Variants in VAT1L observed in about 807,000 individuals in gnomAD.
VAT1L encodes vesicle amine transport 1 like, also known as putative NADPH-dependent quinone oxidoreductase VAT1L.
VAT1L carries 34 observed loss-of-function variants against 44.1 expected under a neutral mutation model. The observed-to-expected ratio is 0.77, with a 90% CI of 0.59 to 1.03. VAT1L has a LOEUF of 1.03. Ranked by LOEUF, VAT1L falls within the 50% of genes least tolerant of loss-of-function variation. The pLI, the probability that VAT1L is intolerant of heterozygous loss-of-function variation, is 0.00. For missense variants in VAT1L, 615 were observed against 538.8 expected, an observed-to-expected ratio of 1.14 and a Z score of -1.40; for synonymous variants, 253 against 202.2, an observed-to-expected ratio of 1.25 and a Z score of -2.13.
intron 1 of VAT1L, among the ~76,000 whole-genome samples, chr16:77,806,250 C>G (rs1421199648): frequency 6.6e-6 from 1 of 152,042 alleles, no homozygotes; most frequent in Admixed American, 6.6e-5. Flanking sequence ...CGCTCTGTCA[C>G]CCAGGCTGGA....
In VAT1L at chr16:77,979,699, G is replaced by C. The variant is rs551574922; in HGVS notation, c.*2004G>C. On this transcript the variant is annotated 3_prime_UTR_variant, in exon 9 of 9. Transcript: ENST00000302536. ...CCCCCACCACCCCTACCAAATCTGGGTTTGGTTTGGTTTTATTTAACTAGC... is the reference window on the plus strand; with the variant it reads ...CCCCCACCACCCCTACCAAATCTGGCTTTGGTTTGGTTTTATTTAACTAGC... 1 of 152,396 alleles carries C rather than the reference G, an allele frequency of 6.6e-6. No individual in the cohort carries two copies. The highest frequency in any genetic ancestry group is 2.4e-5 in the African/African-American group (1 of 41,422). 9.4% of individuals were successfully genotyped at this position (152,396 alleles called of 1,614,324 possible). A position where few individuals can be genotyped will look rare whatever the true frequency, so the allele number is the denominator to read the frequency against.
At position 77,879,674 on chromosome 16, in the gene VAT1L, C is replaced by G. The variant is rs1193632755; in HGVS notation, c.882+450C>G. ...ATAAAACCTGCACTCCTGCCCTATT[C>G]CCTGCAAATGGTCAGGACCAGAATT... is the stretch of plus-strand genomic sequence containing the variant. On this transcript the variant is annotated intron_variant, in intron 6 of 8. Transcript: ENST00000302536. This position sits in a 1 kb window ranked among gnomAD's most constrained non-coding sequence, Gnocchi z 4.1. Among the ~76,000 whole-genome samples the G allele has an allele frequency of 6.6e-6, 1 of 152,180 alleles. No individual in the cohort carries two copies. Among genetic ancestry groups the G allele is most frequent in the African/African-American group, 2.4e-5 (1 of 41,448 alleles).
Position 77,978,774 on chromosome 16 carries a change from G to A in VAT1L, c.*1079G>A, listed in dbSNP as rs3751771. 28,690 of 151,926 alleles carry A rather than the reference G, an allele frequency of 0.19. 2,965 individuals are homozygous for A. The highest frequency in any genetic ancestry group is 0.26 in the Admixed American group (3,955 of 15,268). 9.4% of individuals were successfully genotyped at this position (151,926 alleles called of 1,614,324 possible). A position where few individuals can be genotyped will look rare whatever the true frequency, so the allele number is the denominator to read the frequency against. Reference sequence around the variant, plus strand: ...TAAACCCCGGTGTAGAATCTGCAGCGCCCTGCTCTTCGGAAACCAAGGAAC... The same window carrying A: ...TAAACCCCGGTGTAGAATCTGCAGCACCCTGCTCTTCGGAAACCAAGGAAC... On this transcript the variant is annotated 3_prime_UTR_variant, in exon 9 of 9. Coordinates refer to ENST00000302536, the MANE Select transcript of VAT1L (RefSeq NM_020927.3).
At chr16:77,968,878 G>A (rs1285429624) in intron 7 of VAT1L, among the ~76,000 whole-genome samples, 1 of 152,058 alleles carries the variant, frequency 6.6e-6, no homozygotes, top group East Asian at 1.9e-4. Context: ...GAGCACAGTG[G>A]CGCGATTTCA....
intron 2 of VAT1L, among the ~76,000 whole-genome samples, chr16:77,822,527 G>T (rs74029422): frequency 6.6e-6 from 1 of 152,144 alleles, no homozygotes; most frequent in Non-Finnish European, 1.5e-5. Flanking sequence ...TCATTTAGGG[G>T]CTTGGAGGAG....
intron 7 of VAT1L, among the ~76,000 whole-genome samples, chr16:77,960,617 G>A (rs1319742099): frequency 6.6e-6 from 1 of 152,172 alleles, no homozygotes; most frequent in Non-Finnish European, 1.5e-5. Context: ...TGATCTAGCA[G>A]GATCTCATTG....
chr16:77,906,511 T>G (rs557367937), intron 7 of VAT1L, among the ~76,000 whole-genome samples: 5 of 152,202 alleles, frequency 3.3e-5, no homozygotes. Context: ...AGGAACTTAT[T>G]TGAGAAATGA....
intron 7 of VAT1L, among the ~76,000 whole-genome samples, chr16:77,941,943 A>G (rs12597552): frequency 0.17 from 26,496 of 152,136 alleles, 2,540 homozygotes; most frequent in East Asian, 0.32. Flanking sequence ...CCAACAGTGT[A>G]TAAGTATTCC....
chr16:77,792,490 T>A (rs2015852858), intron 1 of VAT1L, among the ~76,000 whole-genome samples: 1 of 152,088 alleles, frequency 6.6e-6, no homozygotes, highest in Admixed American at 6.5e-5. Context: ...TAAGCAAAGA[T>A]GTGGTCTTAG....
rs139727086 is a variant in VAT1L, at chr16:77,973,718, T to C, written c.1161+1785T>C. 4.7e-3 allele frequency among the ~76,000 whole-genome samples: 715 copies of C among 151,992 alleles called. 5 individuals are homozygous for C. The highest frequency in any genetic ancestry group is 8.3e-3 in the Non-Finnish European group (561 of 67,958). On this transcript the variant is annotated intron_variant, in intron 8 of 8. Transcript: ENST00000302536. Reference sequence around the variant, plus strand: ...CTAAAATTTCTTGCATATTGTCATGTAAAGTGTTTTTTTGTTTGTTTGTTT... The same window carrying C: ...CTAAAATTTCTTGCATATTGTCATGCAAAGTGTTTTTTTGTTTGTTTGTTT...
chr16:77,873,575 T>A (rs897664375), intron 4 of VAT1L, among the ~76,000 whole-genome samples: 1 of 152,208 alleles, frequency 6.6e-6, no homozygotes, highest in Admixed American at 6.5e-5. Flanking sequence ...GATATTATCA[T>A]AAGCAGCACA....
chr16:77,894,442 C>G (rs2017300108), intron 7 of VAT1L, among the ~76,000 whole-genome samples: 1 of 152,172 alleles, frequency 6.6e-6, no homozygotes, highest in African/African-American at 2.4e-5. Context: ...ACAGCCAGCA[C>G]AAGCCTCCCA....
chr16:77,804,864 G>C (rs2016127768), intron 1 of VAT1L, among the ~76,000 whole-genome samples: 2 of 152,202 alleles, frequency 1.3e-5, no homozygotes, highest in Non-Finnish European at 2.9e-5. Flanking sequence ...CCCAGCATAT[G>C]TTATGGACAA....
At chr16:77,824,641 A>T (rs1323181079) in intron 2 of VAT1L, among the ~76,000 whole-genome samples, 1 of 151,006 alleles carries the variant, frequency 6.6e-6, no homozygotes, top group African/African-American at 2.4e-5. Flanking sequence ...CTGTAGTCCC[A>T]GCTACTCGGG....
intron 7 of VAT1L, among the ~76,000 whole-genome samples, chr16:77,909,695 T>G (rs2017478167): frequency 6.6e-6 from 1 of 150,866 alleles, no homozygotes; most frequent in South Asian, 2.1e-4. Flanking sequence ...GCACTCTGCC[T>G]GTATCTTTTC....
intron 7 of VAT1L, among the ~76,000 whole-genome samples, chr16:77,926,207 C>T (rs560927869): frequency 5.4e-4 from 77 of 141,286 alleles, no homozygotes; most frequent in African/African-American, 1.2e-3. Flanking sequence ...GAGCCGAGAT[C>T]GCACCACTGC....
chr16:77,892,529 C>G, intron 7 of VAT1L: 1 of 571,128 alleles, frequency 1.8e-6, no homozygotes. Context: ...AGAAAAATTT[C>G]GTGCTCTAAG....
chr16:77,883,292 A>G (rs2017174164), intron 6 of VAT1L, among the ~76,000 whole-genome samples: 1 of 152,132 alleles, frequency 6.6e-6, no homozygotes, highest in Admixed American at 6.5e-5. Context: ...CTAACCTATA[A>G]CCAGCACCAA....
chr16:77,921,172 T>C lies in VAT1L; in HGVS notation c.1077+36370T>C, dbSNP rs189015488. ...TAAGAAGGGCCATTACTGACAGGAA[T>C]AGCATCATGGGGCTGGGCAAGGAAG... On this transcript the variant is annotated intron_variant, in intron 7 of 8. Coordinates refer to ENST00000302536, the MANE Select transcript of VAT1L (RefSeq NM_020927.3). Among the ~76,000 whole-genome samples, 520 of 152,302 alleles carry C rather than the reference T, an allele frequency of 3.4e-3. 3 individuals are homozygous for C. The highest frequency in any genetic ancestry group is 0.012 in the African/African-American group (496 of 41,568).
Sources: gnomAD v4.1 joint callset for allele counts (sites outside exome capture counted in the v4.1 genomes callset) on GRCh38, gnomAD v4.1.1 for gene constraint, Gnocchi (gnomAD v3.1) non-coding constraint, MANE v1.5 for transcripts, NCBI Gene and HGNC (gene_info 2026-07-23, HGNC 2026-07-21) for gene names.